The following ANK2 variants were observed in gnomAD, a reference collection of about 807,000 sequenced individuals.
ANK2 encodes the protein ankyrin-2.
Under a neutral mutation model 360.5 loss-of-function variants are expected in ANK2, and 83 were observed. That is an observed-to-expected ratio of 0.23 (90% confidence interval 0.19 to 0.28). The LOEUF (loss-of-function observed/expected upper bound fraction) is 0.28. ANK2 is among the 10% of genes least tolerant of loss of function. The pLI is 1.00. For synonymous variants in ANK2, 1,740 were observed against 1,759.5 expected (o/e 0.99, Z 0.28); for missense variants, 4,201 against 4,795.7 (o/e 0.88, Z 3.66).
chr4:112,886,540 T>A (rs1161105386), intron 1 of ANK2, among the ~76,000 whole-genome samples: 4 of 152,070 alleles, frequency 2.6e-5, no homozygotes, highest in Non-Finnish European at 5.9e-5. Context: ...CGCGCGCCTG[T>A]AATTCCAGCT....
At chr4:113,337,679 G>A (rs1311910826) in intron 31 of ANK2, among the ~76,000 whole-genome samples, 6 of 151,708 alleles carry the variant, frequency 4.0e-5, no homozygotes, top group East Asian at 3.9e-4. Flanking sequence ...CTTCTTACTC[G>A]TATGTTTCTT....
chr4:112,893,005 A>G (rs1272900920), intron 1 of ANK2, among the ~76,000 whole-genome samples: 1 of 152,180 alleles, frequency 6.6e-6, no homozygotes, highest in Non-Finnish European at 1.5e-5. Context: ...TATTTCAACT[A>G]TATTTCAGAT....
intron 1 of ANK2, among the ~76,000 whole-genome samples, chr4:113,154,002 A>G (rs1460151629): frequency 1.3e-5 from 2 of 152,242 alleles, no homozygotes; most frequent in Admixed American, 6.5e-5. Context: ...TAAAAGTAGA[A>G]GAAACCCTTC....
the ANK2 span, among the ~76,000 whole-genome samples, chr4:112,745,668 G>A: frequency 6.6e-6 from 1 of 151,518 alleles, no homozygotes; most frequent in Non-Finnish European, 1.5e-5. Context: ...CAAGTAGCTG[G>A]GACTATAGGC....
At chr4:113,172,624 A>G (rs2098022683) in intron 1 of ANK2, among the ~76,000 whole-genome samples, 1 of 152,182 alleles carries the variant, frequency 6.6e-6, no homozygotes, top group African/African-American at 2.4e-5. Context: ...CATCTGCTTT[A>G]TGTACAAATT....
At chr4:113,062,237 G>A (rs2073839624) in intron 1 of ANK2, among the ~76,000 whole-genome samples, 2 of 152,026 alleles carry the variant, frequency 1.3e-5, no homozygotes, top group African/African-American at 2.4e-5. Flanking sequence ...GGATCTATTG[G>A]CAGTTTTTTG....
Position 113,353,759 on chromosome 4 carries a change from A to G in ANK2, c.5141A>G (p.Gln1714Arg), listed in dbSNP as rs1012849066. The G allele has an allele frequency of 2.5e-6, 4 of 1,613,754 alleles. No homozygotes were observed. Among genetic ancestry groups the G allele is most frequent in the Middle Eastern group, 1.6e-4 (1 of 6,080 alleles). The change falls in exon 38 of 46, where the codon CAA becomes CGA. Residue 1714 changes from glutamine (Q) to arginine (R), a missense_variant. Physicochemically the swap from Gln to Arg is conservative, Grantham distance 43. Transcript: ENST00000357077. ...AGGAAATTAAAAGAAAAGCAGAAAC[A>G]AAAAGAGGAAGGTTTACAAGCTAGT... ...VRRKLKEKQK[Q>R]KEEGLQASAE...
the ANK2 span, chr4:112,788,332 G>T: frequency 2.6e-6 from 4 of 1,549,814 alleles, no homozygotes; most frequent in Admixed American, 1.7e-5. Flanking sequence ...CCTTCCTCTT[G>T]ATAATGCACT....
the ANK2 span, among the ~76,000 whole-genome samples, chr4:112,751,992 G>A: frequency 0.02 from 3,044 of 152,244 alleles, 106 homozygotes; most frequent in African/African-American, 0.07. Flanking sequence ...AGCATGCTCT[G>A]GTGTTTTTGC....
At chr4:113,177,757 T>G (rs2098271481) in intron 2 of ANK2, among the ~76,000 whole-genome samples, 1 of 152,236 alleles carries the variant, frequency 6.6e-6, no homozygotes, top group Non-Finnish European at 1.5e-5. Context: ...CATTTATTTC[T>G]GTGAGAAGGC....
At chr4:112,860,612 A>G (rs569761410) in intron 1 of ANK2, among the ~76,000 whole-genome samples, 1 of 152,280 alleles carries the variant, frequency 6.6e-6, no homozygotes, top group African/African-American at 2.4e-5. Flanking sequence ...AATTACTAAT[A>G]TTTTTGGGTC....
At position 113,302,811 on chromosome 4, in the gene ANK2, T is replaced by C. The variant is rs2075607160; in HGVS notation, c.2520T>C (p.Thr840=). 1.9e-6 allele frequency: 3 copies of C among 1,613,800 alleles called. No homozygotes were observed. The highest frequency in any genetic ancestry group is 2.5e-6 in the Non-Finnish European group (3 of 1,179,812). Residue 840 remains threonine (T), a synonymous_variant, in exon 23 of 46, where the codon ACT becomes ACC. Coordinates refer to ENST00000357077, the MANE Select transcript of ANK2 (RefSeq NM_001148.6). ...KHKLNVPETM[T]EVLDVSDEEG... ...AACTAAATGTACCTGAGACGATGAC[T>C]GAGGTTCTTGATGTTTCTGATGAAG...
the ANK2 span, among the ~76,000 whole-genome samples, chr4:112,805,287 A>C: frequency 1.3e-5 from 2 of 152,252 alleles, no homozygotes; most frequent in African/African-American, 2.4e-5. Flanking sequence ...CTTTAAAAAA[A>C]TGAAATTTTA....
chr4:113,020,978 C>T (rs2057929844), intron 2 of ANK2, among the ~76,000 whole-genome samples: 1 of 151,956 alleles, frequency 6.6e-6, no homozygotes, highest in Non-Finnish European at 1.5e-5. Context: ...ATTTTTCTTT[C>T]TTTTTAGACT....
chr4:113,122,415 C>T (rs2095420406), intron 1 of ANK2, among the ~76,000 whole-genome samples: 1 of 152,082 alleles, frequency 6.6e-6, no homozygotes, highest in East Asian at 1.9e-4. Context: ...CAAGTCACAG[C>T]CAGAATAACA....
chr4:113,370,446 G>A (rs376488573), intron 43 of ANK2, among the ~76,000 whole-genome samples: 60 of 152,178 alleles, frequency 3.9e-4, no homozygotes, highest in African/African-American at 1.4e-3. Context: ...ATTGTGAAAA[G>A]GGGTGGGGAC....
intron 1 of ANK2, among the ~76,000 whole-genome samples, chr4:112,825,152 A>T (rs182501198): frequency 1.3e-5 from 2 of 152,248 alleles, no homozygotes; most frequent in South Asian, 4.2e-4. Context: ...GAACACCTGG[A>T]CACAGGGTGG....
chr4:112,842,329 A>G (rs1046771381), intron 1 of ANK2, among the ~76,000 whole-genome samples: 1 of 152,206 alleles, frequency 6.6e-6, no homozygotes, highest in African/African-American at 2.4e-5. Context: ...TTCAATGTTG[A>G]CAAATATCTG....
At chr4:112,869,140 A>G (rs1247061766) in intron 1 of ANK2, among the ~76,000 whole-genome samples, 1 of 151,964 alleles carries the variant, frequency 6.6e-6, no homozygotes, top group Non-Finnish European at 1.5e-5. Context: ...AAAATTTTTT[A>G]TTATTTTTGT....
Sources: gnomAD v4.1 joint callset for allele counts (sites outside exome capture counted in the v4.1 genomes callset) on GRCh38, gnomAD v4.1.1 for gene constraint, MANE v1.5 for transcripts, NCBI Gene and HGNC (gene_info 2026-07-23, HGNC 2026-07-21) for gene names.